The following RIT2 variants were observed in gnomAD, a reference collection of about 807,000 sequenced individuals.
RIT2 encodes the protein Ras like without CAAX 2, also known as GTP-binding protein Rit2.
RIT2 carries 24 observed loss-of-function variants against 23.7 expected under a neutral mutation model. That is an observed-to-expected ratio of 1.01 (90% CI 0.73 to 1.43). RIT2 has a LOEUF of 1.43. Among genes scored for constraint, RIT2 ranks in the 40% most tolerant of loss-of-function variants. RIT2 has a pLI of 0.00. For missense variants in RIT2, 236 were observed against 266.9 expected, an observed-to-expected ratio of 0.88 and a Z score of 0.81; for synonymous variants, 107 against 91.1, an observed-to-expected ratio of 1.17 and a Z score of -0.99.
At chr18:43,073,634 T>C (rs1912946618) in intron 1 of RIT2, among the ~76,000 whole-genome samples, 1 of 152,168 alleles carries the variant, frequency 6.6e-6, no homozygotes, top group Non-Finnish European at 1.5e-5. Context: ...TTTGCAGATA[T>C]CGTCATATGT....
chr18:43,045,225 A>G (rs1912218769), intron 1 of RIT2, among the ~76,000 whole-genome samples: 1 of 152,168 alleles, frequency 6.6e-6, no homozygotes, highest in Admixed American at 6.5e-5. Context: ...TAACTAATGG[A>G]GACAATTACT....
At chr18:42,815,299 G>T (rs1905964133) in intron 4 of RIT2, among the ~76,000 whole-genome samples, 1 of 152,084 alleles carries the variant, frequency 6.6e-6, no homozygotes. Context: ...GGAAACAATG[G>T]ACACACTTAC....
chr18:43,044,579 G>C (rs974364808), intron 1 of RIT2, among the ~76,000 whole-genome samples: 1 of 152,192 alleles, frequency 6.6e-6, no homozygotes, highest in Non-Finnish European at 1.5e-5. Context: ...GGGAATCTGA[G>C]ATTGTGATTT....
At chr18:43,104,881 C>T (rs760418502) in intron 1 of RIT2, among the ~76,000 whole-genome samples, 15 of 152,282 alleles carry the variant, frequency 9.9e-5, no homozygotes, top group South Asian at 8.3e-4. Flanking sequence ...AAATATGACT[C>T]TTTCCCTTTA....
At chr18:43,109,567 T>C (rs576698085) in intron 1 of RIT2, among the ~76,000 whole-genome samples, 1 of 152,306 alleles carries the variant, frequency 6.6e-6, no homozygotes, top group South Asian at 2.1e-4. Flanking sequence ...CTTTAAGACA[T>C]AATTTAAATA....
At chr18:43,074,698 A>G (rs942179594) in intron 1 of RIT2, among the ~76,000 whole-genome samples, 4 of 152,332 alleles carry the variant, frequency 2.6e-5, no homozygotes, top group Non-Finnish European at 4.4e-5. Flanking sequence ...CATATACACC[A>G]TGGAATACGA....
intron 1 of RIT2, among the ~76,000 whole-genome samples, chr18:43,097,305 A>C (rs1282568492): frequency 3.3e-5 from 5 of 151,920 alleles, no homozygotes; most frequent in African/African-American, 7.2e-5. Flanking sequence ...AGAGCATATA[A>C]AACTTAACTT....
At chr18:43,091,647 T>A (rs1913426005) in intron 1 of RIT2, among the ~76,000 whole-genome samples, 1 of 151,972 alleles carries the variant, frequency 6.6e-6, no homozygotes, top group Non-Finnish European at 1.5e-5. Context: ...ACTGGATTGT[T>A]CTCCGGAAAT....
At chr18:42,835,972 T>G (rs1305286476) in intron 4 of RIT2, among the ~76,000 whole-genome samples, 1 of 152,168 alleles carries the variant, frequency 6.6e-6, no homozygotes, top group Non-Finnish European at 1.5e-5. Flanking sequence ...GGCTTCAGTT[T>G]TCTACTTTGG....
At chr18:42,905,445 G>A (rs1361294440) in intron 4 of RIT2, among the ~76,000 whole-genome samples, 2 of 152,102 alleles carry the variant, frequency 1.3e-5, no homozygotes, top group Non-Finnish European at 2.9e-5. Context: ...AAGTATACAT[G>A]CTTTTTAAGA....
Position 43,009,573 on chromosome 18 carries a change from G to A in RIT2, c.160+24238C>T, listed in dbSNP as rs189942323. ...GGCAGCTGGAATATTTTCACAACCC[G>A]TCCCCTCTTCTTCTTGGAACAGCCT... On this transcript the variant is annotated intron_variant, in intron 2 of 4. Transcript: ENST00000326695. 8.2e-4 allele frequency among the ~76,000 whole-genome samples: 125 copies of A among 151,690 alleles called. 1 individual carries two copies. The South Asian group carries it at 0.012, about 15-fold the overall frequency.
At position 42,830,177 on chromosome 18, in the gene RIT2, C is replaced by T. The variant is rs181732691; in HGVS notation, c.427-86457G>A. Among the ~76,000 whole-genome samples the T allele has an allele frequency of 5.3e-4, 80 of 152,280 alleles. 1 individual carries two copies. Among genetic ancestry groups the T allele is most frequent in the Admixed American group, 8.5e-4 (13 of 15,302 alleles). ...TAACTAGCCAGCTGTACACACTGAA[C>T]TATCACTTCTTTCAAGGTCAGGCTC... On this transcript the variant is annotated intron_variant, in intron 4 of 4. Transcript: ENST00000326695.
rs1274764176 is a variant in RIT2 at position 42,809,898 on chromosome 18, TTATATATAA to T, written c.427-66187_427-66179del. On this transcript the variant is annotated intron_variant, in intron 4 of 4. Transcript: ENST00000326695. ...ATAATTTGTATATATGTTATATATA[TTATATATAA>T]TATATATAATTTGTATATATGTTAT... is the stretch of plus-strand genomic sequence containing the variant. Among the ~76,000 whole-genome samples the T allele has an allele frequency of 3.4e-5, 4 of 118,712 alleles. No homozygotes were observed. In the East Asian group the frequency reaches 8.1e-4, roughly 24 times the overall value. 77.9% of individuals were successfully genotyped at this position (118,712 alleles called of 152,430 possible).
chr18:43,014,432 A>T (rs1458775613), intron 2 of RIT2, among the ~76,000 whole-genome samples: 1 of 151,664 alleles, frequency 6.6e-6, no homozygotes, highest in Non-Finnish European at 1.5e-5. Flanking sequence ...TTCTCCTGTT[A>T]AGGAAAGTCA....
intron 4 of RIT2, among the ~76,000 whole-genome samples, chr18:42,875,330 CTTT>C (rs1176760577): frequency 1.5e-5 from 2 of 137,760 alleles, no homozygotes; most frequent in Non-Finnish European, 1.6e-5. Context: ...TTCTCTCTCT[CTTT>C]TTTTTTTTTT....
At chr18:42,794,577 G>A (rs1235121828) in intron 4 of RIT2, among the ~76,000 whole-genome samples, 1 of 152,168 alleles carries the variant, frequency 6.6e-6, no homozygotes, top group African/African-American at 2.4e-5. Flanking sequence ...GGTTAATACA[G>A]ATAGTTAAAT....
intron 4 of RIT2, among the ~76,000 whole-genome samples, chr18:42,865,352 T>A (rs1391362539): frequency 1.3e-5 from 2 of 152,190 alleles, no homozygotes; most frequent in Non-Finnish European, 2.9e-5. Flanking sequence ...GCTATTGTTA[T>A]TACCAGCACA....
chr18:42,776,507 T>G (rs770153670), intron 4 of RIT2, among the ~76,000 whole-genome samples: 3 of 152,178 alleles, frequency 2.0e-5, no homozygotes, highest in Non-Finnish European at 4.4e-5. Flanking sequence ...AAGTAAAAAA[T>G]GTCAATTTTA....
intron 1 of RIT2, among the ~76,000 whole-genome samples, chr18:43,069,417 G>A (rs1409986520): frequency 6.6e-6 from 1 of 152,070 alleles, no homozygotes; most frequent in East Asian, 1.9e-4. Context: ...GATCTGGATC[G>A]GAACCCGTTT....
Sources: allele counts gnomAD v4.1 joint callset (sites outside exome capture counted in the v4.1 genomes callset), GRCh38; gene constraint gnomAD v4.1.1; transcripts MANE v1.5; gene names NCBI Gene and HGNC (gene_info 2026-07-23, HGNC 2026-07-21).